Variants in SLC6A9 observed in about 807,000 individuals in gnomAD.
SLC6A9 encodes the protein solute carrier family 6 member 9, also known as sodium- and chloride-dependent glycine transporter 1.
A neutral mutation model predicts 70.9 loss-of-function variants in SLC6A9; 31 were observed. The observed-to-expected ratio is 0.44, with a 90% CI of 0.33 to 0.59. The LOEUF (loss-of-function observed/expected upper bound fraction) is 0.59, where lower values mean the gene tolerates loss of function less well. SLC6A9 is among the 20% of genes least tolerant of loss of function. The pLI, the probability that SLC6A9 is intolerant of heterozygous loss-of-function variation, is 0.04. For synonymous variants in SLC6A9, 310 were observed against 341.3 expected (o/e 0.91, Z 1.01); for missense variants, 631 against 845.2 (o/e 0.75, Z 3.14).
At position 44,010,780 on chromosome 1, in the gene SLC6A9, C is replaced by T. The variant is rs770901911; in HGVS notation, c.133G>A (p.Val45Met). Residue 45 changes from valine (V) to methionine (M), a missense_variant, in exon 3 of 14, where the codon GTG becomes ATG. Physicochemically the swap from Val to Met is conservative, Grantham distance 21. Coordinates refer to ENST00000372310, the MANE Select transcript of SLC6A9 (RefSeq NM_001024845.3). ...AAGCGCCAGACATTGCCCAGGCCCA[C>T]GGCATAGCCCACGCTCGTCAGTACA... ...EFVLTSVGYA[V>M]GLGNVWRFPY... 4.3e-6 allele frequency: 7 copies of T among 1,614,092 alleles called. No homozygotes were observed. The highest frequency in any genetic ancestry group is 5.9e-6 in the Non-Finnish European group (7 of 1,180,024).
intron 2 of SLC6A9, 38 bp from the exon 3 acceptor site, chr1:44,010,920 T>TGGAGCACAAATGCC: frequency 6.2e-7 from 1 of 1,611,674 alleles, no homozygotes; most frequent in Non-Finnish European, 8.5e-7. Context: ...CAGCAAGGCA[T>TGGAGCACAAATGCC]TTGTGCTCCA....
At chr1:44,024,129 G>A (rs2086938263) in intron 2 of SLC6A9, 119 bp downstream of exon 2, 26 of 1,016,280 alleles carry the variant, frequency 2.6e-5, no homozygotes, top group Non-Finnish European at 3.9e-5. Context: ...GGGGTCAGCT[G>A]GGCACTCAGG....
chr1:44,006,215 G>T (rs752834926), intron 5 of SLC6A9, among the ~76,000 whole-genome samples: 2 of 152,036 alleles, frequency 1.3e-5, no homozygotes, highest in Admixed American at 6.5e-5. Context: ...TTCTCCCATC[G>T]GACGGCAGCT....
At chr1:44,020,677 C>T (rs1466419676) in intron 2 of SLC6A9, among the ~76,000 whole-genome samples, 1 of 152,148 alleles carries the variant, frequency 6.6e-6, no homozygotes, top group South Asian at 2.1e-4. Context: ...ATGCACCAAG[C>T]CTGCACTAGT....
intron 1 of SLC6A9, among the ~76,000 whole-genome samples, chr1:44,030,199 G>A (rs2087075355): frequency 6.6e-6 from 1 of 152,166 alleles, no homozygotes; most frequent in African/African-American, 2.4e-5. Flanking sequence ...CAGCGTCCCG[G>A]TTCCTCGAAG....
Position 44,002,802 on chromosome 1 carries a change from G to A in SLC6A9, c.723+51C>T, listed in dbSNP as rs532484420. ...GCAATACACACATAACCCAGGTAGG[G>A]GGCAGGGTCTTTCTGGGTGGGCACA... On this transcript the variant is annotated intron_variant, in intron 6 of 13. Transcript: ENST00000372310. This position sits in a 1 kb window ranked among gnomAD's most constrained non-coding sequence, Gnocchi z 5.5. 7 of 1,609,574 alleles carry A rather than the reference G, an allele frequency of 4.3e-6. No homozygotes were observed. The South Asian group carries it at 6.6e-5, about 15-fold the overall frequency.
intron 4 of SLC6A9, among the ~76,000 whole-genome samples, chr1:44,009,593 CCTCCCAAAGTG>C (rs1001869309): frequency 6.6e-6 from 1 of 152,206 alleles, no homozygotes; most frequent in African/African-American, 2.4e-5. Context: ...CCTGCCTTGG[CCTCCCAAAGTG>C]CTGGGATTAC....
intron 1 of SLC6A9, among the ~76,000 whole-genome samples, chr1:44,026,136 CT>C (rs996101273): frequency 6.6e-6 from 1 of 152,238 alleles, no homozygotes; most frequent in Non-Finnish European, 1.5e-5. Context: ...TGGCCTGTGG[CT>C]CAACTTGTCC....
rs1201947044 is a variant in SLC6A9 at position 44,000,280 on chromosome 1, A to G, written c.1536+487T>C. Among the ~76,000 whole-genome samples, 7 of 152,312 alleles carry G rather than the reference A, an allele frequency of 4.6e-5. No homozygotes were observed. The East Asian group carries it at 1.4e-3, about 29-fold the overall frequency. ...ATAAAACCTGGAACTCCCCTTCCCA[A>G]GCCACCCACCTCACTGCCTGGAAGG... On this transcript the variant is annotated intron_variant, in intron 12 of 13. Transcript: ENST00000372310.
At position 43,997,850 on chromosome 1, in the gene SLC6A9, C is replaced by T; in HGVS notation, c.1707+5G>A. 6.2e-7 allele frequency: 1 copy of T among 1,605,180 alleles called. No homozygotes were observed. Among genetic ancestry groups the T allele is most frequent in the Non-Finnish European group, 8.5e-7 (1 of 1,174,222 alleles). On this transcript the variant is annotated splice_donor_5th_base_variant and intron_variant, in intron 13 of 13. Transcript: ENST00000372310. The surrounding 1 kb of genome is among the most constrained non-coding windows in gnomAD (Gnocchi z 4.4). ...CCTGGCTACCCAGCCTGTCCCTGCC[C>T]TCACCTGGAGGAGGGTGTCCCCGTC...
chr1:44,023,047 C>T (rs2086916240), intron 2 of SLC6A9, among the ~76,000 whole-genome samples: 1 of 152,088 alleles, frequency 6.6e-6, no homozygotes, highest in Admixed American at 6.6e-5. Flanking sequence ...TCCCAGAAAT[C>T]TTTGGTGAGA....
intron 3 of SLC6A9, chr1:44,010,463 G>GGGGGGA: frequency 8.6e-6 from 2 of 232,526 alleles, no homozygotes; most frequent in South Asian, 1.4e-4. Context: ...GGGCGGGGGG[G>GGGGGGA]GGGGGGGGTT....
Position 43,997,591 on chromosome 1 carries a change from A to T in SLC6A9, c.1856T>A (p.Ile619Asn), listed in dbSNP as rs1306597378. 3 of 1,613,634 alleles carry T rather than the reference A, an allele frequency of 1.9e-6. No homozygotes were observed. Among genetic ancestry groups the T allele is most frequent in the Middle Eastern group, 3.3e-4 (2 of 6,076 alleles). The change falls in exon 14 of 14, where the codon ATT becomes AAT. Residue 619 changes from isoleucine to asparagine, a missense_variant. Transcript: ENST00000372310. This position sits in a 1 kb window ranked among gnomAD's most constrained non-coding sequence, Gnocchi z 4.4. ...GCGGCTGGAGCCATTACTGCCCACAATGGGGATCTGCGCCTTGTCCGGGTG... is the reference window on the plus strand; with the variant it reads ...GCGGCTGGAGCCATTACTGCCCACATTGGGGATCTGCGCCTTGTCCGGGTG... The part of the protein sequence containing the change: ...PLHPDKAQIP[I>N]VGSNGSSRLQ...
chr1:44,001,700 AAG>A, intron 8 of SLC6A9, 73 bp from the exon 9 acceptor site: 1 of 1,188,708 alleles, frequency 8.4e-7, no homozygotes, highest in Non-Finnish European at 1.2e-6. Flanking sequence ...GAGACACGGA[AAG>A]TTCTAGGTAC....
chr1:44,023,929 G>A (rs1317841262), intron 2 of SLC6A9, among the ~76,000 whole-genome samples: 2 of 152,246 alleles, frequency 1.3e-5, no homozygotes, highest in African/African-American at 2.4e-5. Context: ...GATCAGCACA[G>A]ACTGAAGGCG....
At chr1:44,028,654 C>G (rs544990278) in intron 1 of SLC6A9, among the ~76,000 whole-genome samples, 1 of 152,156 alleles carries the variant, frequency 6.6e-6, no homozygotes, top group Non-Finnish European at 1.5e-5. Flanking sequence ...GCTCAGGAGG[C>G]TGAGTCATGA....
chr1:44,026,848 C>T (rs1212823809), intron 1 of SLC6A9, among the ~76,000 whole-genome samples: 1 of 152,196 alleles, frequency 6.6e-6, no homozygotes, highest in East Asian at 1.9e-4. Context: ...AGGTCACATG[C>T]CTTCCTTGTA....
intron 2 of SLC6A9, chr1:44,016,943 C>T (rs1462423270): frequency 1.7e-6 from 2 of 1,189,360 alleles, no homozygotes; most frequent in Non-Finnish European, 2.3e-6. Flanking sequence ...CTGTGCCTGC[C>T]CCTCCCTGGC....
intron 12 of SLC6A9, among the ~76,000 whole-genome samples, chr1:44,000,369 G>A (rs752537943): frequency 4.6e-5 from 7 of 152,344 alleles, no homozygotes; most frequent in African/African-American, 1.7e-4. Flanking sequence ...CCAGCCTTGG[G>A]CTGCTGCTGG....
Sources: gnomAD v4.1 joint callset for allele counts (sites outside exome capture counted in the v4.1 genomes callset) on GRCh38, gnomAD v4.1.1 for gene constraint, Gnocchi (gnomAD v3.1) non-coding constraint, MANE v1.5 for transcripts, NCBI Gene and HGNC (gene_info 2026-07-23, HGNC 2026-07-21) for gene names.